Variants in SORCS1 observed in about 807,000 individuals in gnomAD.
SORCS1 encodes the protein sortilin related VPS10 domain containing receptor 1, also known as VPS10 domain-containing receptor SorCS1.
SORCS1 carries 60 observed loss-of-function variants against 146.1 expected under a neutral mutation model. The ratio of observed to expected loss-of-function variants is 0.41; its 90% CI spans 0.33 to 0.51. The LOEUF (loss-of-function observed/expected upper bound fraction) is 0.51. Ranked by LOEUF, SORCS1 falls within the 20% of genes least tolerant of loss-of-function variation. The probability of loss-of-function intolerance (pLI) is 0.21; values close to 1 mark genes in which losing one functional copy is unlikely to be tolerated. For synonymous variants in SORCS1, 637 were observed against 584.0 expected (o/e 1.09, Z -1.31); for missense variants, 1,352 against 1,487.6 (o/e 0.91, Z 1.50).
At chr10:107,000,531 T>C (rs570016322) in intron 1 of SORCS1, among the ~76,000 whole-genome samples, 1 of 149,718 alleles carries the variant, frequency 6.7e-6, no homozygotes, top group South Asian at 2.1e-4. Flanking sequence ...CGCTTGAACC[T>C]GGGAGGTGGA....
At chr10:106,801,746 G>A (rs1056918923) in intron 3 of SORCS1, among the ~76,000 whole-genome samples, 2 of 151,988 alleles carry the variant, frequency 1.3e-5, no homozygotes, top group Non-Finnish European at 2.9e-5. Context: ...TAGCCAGGAC[G>A]GTCTCGATCT....
rs1851587124 is a variant in SORCS1 at position 106,671,362 on chromosome 10, T to G, written c.2064A>C (p.Glu688Asp). ...YRPWQLHSQG[E>D]ACIMGAKRIY... ...TCCTTTTTGCTCCCATGATACATGCTTCCCCCTGTAAGCAGAGAAGGATCA... is the reference window on the plus strand; with the variant it reads ...TCCTTTTTGCTCCCATGATACATGCGTCCCCCTGTAAGCAGAGAAGGATCA... The change falls in exon 16 of 26, where the codon GAA becomes GAC. Residue 688 changes from glutamate to aspartate, a missense_variant. This residue lies in a region of SORCS1 where 648 missense variants were observed against 793.8 expected (regional missense o/e 0.82). Transcript: ENST00000263054. 6.2e-7 allele frequency: 1 copy of G among 1,614,078 alleles called. No individual in the cohort carries two copies.
chr10:106,850,715 A>G (rs1329653270), intron 2 of SORCS1, among the ~76,000 whole-genome samples: 1 of 152,134 alleles, frequency 6.6e-6, no homozygotes, highest in Non-Finnish European at 1.5e-5. Context: ...CAAGCTCACA[A>G]TATTCCTCAG....
chr10:106,698,589 G>A (rs1187854918), intron 9 of SORCS1, among the ~76,000 whole-genome samples: 3 of 152,166 alleles, frequency 2.0e-5, no homozygotes, highest in Non-Finnish European at 2.9e-5. Flanking sequence ...CAACATACAT[G>A]ATTTTCTTTT....
chr10:107,085,524 T>C (rs1018930401), intron 1 of SORCS1, among the ~76,000 whole-genome samples: 2 of 152,192 alleles, frequency 1.3e-5, no homozygotes, highest in African/African-American at 4.8e-5. Context: ...TTAAATAATT[T>C]ATTTACCATC....
intron 1 of SORCS1, among the ~76,000 whole-genome samples, chr10:107,140,746 T>C (rs1316354136): frequency 6.6e-6 from 1 of 152,214 alleles, no homozygotes; most frequent in African/African-American, 2.4e-5. Flanking sequence ...TCCCAACATA[T>C]AACACACATG....
chr10:107,072,197 T>C (rs964591231), intron 1 of SORCS1, among the ~76,000 whole-genome samples: 1 of 152,190 alleles, frequency 6.6e-6, no homozygotes, highest in African/African-American at 2.4e-5. Flanking sequence ...CCCTGCAGTC[T>C]TCCTGAAGCA....
chr10:106,909,957 T>C (rs1156833260), intron 2 of SORCS1, among the ~76,000 whole-genome samples: 1 of 152,202 alleles, frequency 6.6e-6, no homozygotes, highest in Non-Finnish European at 1.5e-5. Flanking sequence ...TTGTATATCA[T>C]GGCAAGAAAA....
chr10:106,987,100 CT>C (rs1240329372), intron 1 of SORCS1, among the ~76,000 whole-genome samples: 1 of 152,172 alleles, frequency 6.6e-6, no homozygotes, highest in African/African-American at 2.4e-5. Flanking sequence ...AATTTTTTCA[CT>C]CCTAATAGGC....
intron 2 of SORCS1, among the ~76,000 whole-genome samples, chr10:106,949,352 C>A (rs1387339929): frequency 6.6e-6 from 1 of 152,098 alleles, no homozygotes; most frequent in Non-Finnish European, 1.5e-5. Flanking sequence ...CCCAAGCCAC[C>A]CACTGCTCTT....
rs1384492202 is a variant in SORCS1, at chr10:106,844,685, C to T, written c.627-15012G>A. Among the ~76,000 whole-genome samples the T allele has an allele frequency of 1.4e-4, 21 of 147,060 alleles. No individual in the cohort carries two copies. The South Asian group carries it at 3.3e-3, about 23-fold the overall frequency. On this transcript the variant is annotated intron_variant, in intron 2 of 25. Coordinates refer to ENST00000263054, the MANE Select transcript of SORCS1 (RefSeq NM_052918.5). ...CATGCTGGTGCGCTGCACCCACTAA[C>T]TCGTCATCTAGCATTAGGTATATCT...
chr10:106,838,441 T>C (rs74234573), intron 2 of SORCS1, among the ~76,000 whole-genome samples: 2 of 152,192 alleles, frequency 1.3e-5, no homozygotes, highest in East Asian at 3.9e-4. Context: ...AGGATAATGA[T>C]TACCCAAAGT....
intron 3 of SORCS1, among the ~76,000 whole-genome samples, chr10:106,805,297 T>C (rs911611694): frequency 1.3e-5 from 2 of 151,978 alleles, no homozygotes. Context: ...CCAGGGAGAT[T>C]TGAAAGGATT....
At chr10:107,165,585 G>A (rs1970026301), upstream of SORCS1, among the ~76,000 whole-genome samples, 1 of 152,168 alleles carries the variant, frequency 6.6e-6, no homozygotes, top group Non-Finnish European at 1.5e-5. This position sits in a 1 kb window ranked among gnomAD's most constrained non-coding sequence, Gnocchi z 4.0. Context: ...ACGTGGCACA[G>A]TACCCTACAT....
At chr10:106,978,791 C>A (rs1391944852) in intron 1 of SORCS1, among the ~76,000 whole-genome samples, 2 of 140,180 alleles carry the variant, frequency 1.4e-5, no homozygotes, top group Non-Finnish European at 3.2e-5. Flanking sequence ...GAATGAGACT[C>A]CATCTCAAAA....
intron 12 of SORCS1, 96 bp downstream of exon 12, chr10:106,679,160 T>G: frequency 1.3e-6 from 1 of 782,226 alleles, no homozygotes. Flanking sequence ...AGGATTTATG[T>G]GTAGCACCGC....
the SORCS1 span, among the ~76,000 whole-genome samples, chr10:107,174,890 G>A: frequency 6.6e-6 from 1 of 152,158 alleles, no homozygotes; most frequent in Non-Finnish European, 1.5e-5. Context: ...ATTTCACTGT[G>A]AAGTATGCTG....
At chr10:106,874,516 A>G (rs1255713551) in intron 2 of SORCS1, among the ~76,000 whole-genome samples, 1 of 152,248 alleles carries the variant, frequency 6.6e-6, no homozygotes, top group African/African-American at 2.4e-5. Flanking sequence ...GCATTTTAGC[A>G]TAAGAGACAA....
chr10:107,137,359 A>C (rs559278965), intron 1 of SORCS1, among the ~76,000 whole-genome samples: 1 of 152,272 alleles, frequency 6.6e-6, no homozygotes, highest in South Asian at 2.1e-4. Context: ...AGCATATAGT[A>C]TACCATTCTT....
Sources: gnomAD v4.1 joint callset for allele counts (sites outside exome capture counted in the v4.1 genomes callset) on GRCh38, gnomAD v4.1.1 for gene constraint, gnomAD v4.1.1 regional missense constraint, Gnocchi (gnomAD v3.1) non-coding constraint, MANE v1.5 for transcripts, NCBI Gene and HGNC (gene_info 2026-07-23, HGNC 2026-07-21) for gene names.